RAC1: variants seen among roughly 807,000 people sequenced by gnomAD.
RAC1 encodes the protein Rac family small GTPase 1, also known as ras-related C3 botulinum toxin substrate 1.
Under a neutral mutation model 25.2 loss-of-function variants are expected in RAC1, and 2 were observed. That is an observed-to-expected ratio of 0.08 (90% CI 0.03 to 0.25). The LOEUF is 0.25. Ranked by LOEUF, RAC1 falls within the 10% of genes least tolerant of loss-of-function variation. The probability of loss-of-function intolerance (pLI) is 1.00; values close to 1 mark genes in which losing one functional copy is unlikely to be tolerated. For missense variants in RAC1, 50 were observed against 235.7 expected, an observed-to-expected ratio of 0.21 and a Z score of 5.16; for synonymous variants, 88 against 94.0, an observed-to-expected ratio of 0.94 and a Z score of 0.37.
chr7:6,375,670 C>CTT (rs561981460), intron 1 of RAC1, among the ~76,000 whole-genome samples: 3 of 144,940 alleles, frequency 2.1e-5, no homozygotes, highest in Admixed American at 7.0e-5. Context: ...TTCTTTCTTT[C>CTT]TTTTTTTTTT....
chr7:6,384,931 A>G (rs547738089), intron 1 of RAC1, among the ~76,000 whole-genome samples: 1 of 151,744 alleles, frequency 6.6e-6, no homozygotes, highest in African/African-American at 2.4e-5. Flanking sequence ...TCAGCCCCCC[A>G]AGTAGCTGAG....
Position 6,374,775 on chromosome 7 carries a change from G to T in RAC1, c.35+5G>T. ...GTGTGTGGTGGTGGGAGACGGGTGA[G>T]TGCGCGGCCGGGGCCGGGCTGGAGG... On this transcript the variant is annotated splice_donor_5th_base_variant and intron_variant, in intron 1 of 5. Transcript: ENST00000348035. 2 of 1,138,584 alleles carry T rather than the reference G, an allele frequency of 1.8e-6. No homozygotes were observed. The highest frequency in any genetic ancestry group is 1.1e-6 in the Non-Finnish European group (1 of 922,668). The allele number at this position is 1,138,584 out of a possible 1,614,324, so 70.5% of individuals were successfully genotyped here.
chr7:6,375,849 T>C (rs1241065345), intron 1 of RAC1: 3 of 152,030 alleles, frequency 2.0e-5, no homozygotes, highest in Non-Finnish European at 4.4e-5. Context: ...GCAGTTTTTT[T>C]CTCCCATAGA....
rs1554264368 is a variant in RAC1 at position 6,402,526 on chromosome 7, A to AAAAAC, written c.*84_*85insCAAAA. On this transcript the variant is annotated 3_prime_UTR_variant, in exon 6 of 6. Coordinates refer to ENST00000348035, the MANE Select transcript of RAC1 (RefSeq NM_006908.5). ...TCAAAAAAAAACAAAAAAAAAAAAC[A>AAAAAC]AAAAAAAAAAACAACGGTGGAGCCT... The AAAAAC allele has an allele frequency of 5.2e-4, 366 of 703,914 alleles. 24 individuals are homozygous for AAAAAC. The highest frequency in any genetic ancestry group is 2.9e-3 in the Admixed American group (42 of 14,658). The allele number at this position is 703,914 out of a possible 1,614,324, so 43.6% of individuals were successfully genotyped here. A position where few individuals can be genotyped will look rare whatever the true frequency, so the allele number is the denominator to read the frequency against.
chr7:6,387,957 A>G (rs1463034695), intron 2 of RAC1, among the ~76,000 whole-genome samples: 1 of 152,174 alleles, frequency 6.6e-6, no homozygotes, highest in African/African-American at 2.4e-5. Flanking sequence ...TGGAAAGGGA[A>G]AGATTCCATT....
intron 2 of RAC1, among the ~76,000 whole-genome samples, chr7:6,390,978 C>G (rs1056017824): frequency 6.6e-6 from 1 of 152,152 alleles, no homozygotes; most frequent in African/African-American, 2.4e-5. Context: ...CCCACTGCAA[C>G]CTCTGCTTCC....
chr7:6,384,650 T>C (rs1782870672), intron 1 of RAC1, among the ~76,000 whole-genome samples: 1 of 152,086 alleles, frequency 6.6e-6, no homozygotes, highest in Non-Finnish European at 1.5e-5. Context: ...TTTGAATTTT[T>C]TGTGGAAACA....
Position 6,403,532 on chromosome 7 carries a change from CTAAT to C in RAC1, c.*1087_*1090del, listed in dbSNP as rs1783480085. ...GCTTTCCATGTTACTTTATTCAGAG[CTAAT>C]AAGTGCTTTCCTTAGTTTTCTAGTA... On this transcript the variant is annotated 3_prime_UTR_variant, in exon 6 of 6. Coordinates refer to ENST00000348035, the MANE Select transcript of RAC1 (RefSeq NM_006908.5). 4.6e-6 allele frequency: 1 copy of C among 219,200 alleles called. No homozygotes were observed. Among genetic ancestry groups the C allele is most frequent in the African/African-American group, 2.2e-5 (1 of 44,586 alleles). The allele number at this position is 219,200 out of a possible 1,614,324, so 13.6% of individuals were successfully genotyped here.
At chr7:6,380,351 C>G (rs975023013) in intron 1 of RAC1, among the ~76,000 whole-genome samples, 1 of 148,558 alleles carries the variant, frequency 6.7e-6, no homozygotes, top group Non-Finnish European at 1.5e-5. Flanking sequence ...GGTTTTTTTT[C>G]TTGATAAGCC....
chr7:6,395,044 CG>C (rs1562467951), intron 3 of RAC1, among the ~76,000 whole-genome samples: 1 of 152,016 alleles, frequency 6.6e-6, no homozygotes, highest in Admixed American at 6.6e-5. Context: ...TTAGTAGAGA[CG>C]GGGTTTCACC....
chr7:6,398,358 T>C (rs1489664603), intron 3 of RAC1, among the ~76,000 whole-genome samples: 2 of 152,212 alleles, frequency 1.3e-5, no homozygotes, highest in Admixed American at 6.5e-5. Context: ...CATCTCCGGC[T>C]GTGCCAGCTG....
Position 6,379,950 on chromosome 7 carries a change from A to G in RAC1, c.35+5180A>G, listed in dbSNP as rs527741961. On this transcript the variant is annotated intron_variant, in intron 1 of 5. Transcript: ENST00000348035. ...AATAGTGTTGTTTTGGTGTTGGTTG[A>G]TTAAAGGAATGGGAACGAATGACTT... is the stretch of plus-strand genomic sequence containing the variant. Among the ~76,000 whole-genome samples, 3 of 152,200 alleles carry G rather than the reference A, an allele frequency of 2.0e-5. No individual in the cohort carries two copies. In the East Asian group the frequency reaches 5.8e-4, roughly 29 times the overall value.
At chr7:6,376,435 G>A (rs893134263) in intron 1 of RAC1, among the ~76,000 whole-genome samples, 2 of 151,140 alleles carry the variant, frequency 1.3e-5, no homozygotes, top group African/African-American at 2.4e-5. Context: ...CCACCCGCCT[G>A]GGTCTCCCAG....
chr7:6,400,308 T>A, intron 4 of RAC1, 120 bp downstream of exon 4: 1 of 976,050 alleles, frequency 1.0e-6, no homozygotes, highest in Non-Finnish European at 1.6e-6. Flanking sequence ...AGCAATTTGC[T>A]ACTTAAGTAC....
intron 1 of RAC1, 97 bp downstream of exon 1, chr7:6,374,867 G>T: frequency 1.0e-6 from 1 of 985,462 alleles, no homozygotes; most frequent in Admixed American, 5.6e-5. Flanking sequence ...CGTCCGCCGC[G>T]GTCTCGCGTA....
intron 1 of RAC1, among the ~76,000 whole-genome samples, chr7:6,384,140 C>T (rs548495713): frequency 1.6e-4 from 25 of 152,160 alleles, no homozygotes; most frequent in Non-Finnish European, 2.8e-4. Flanking sequence ...TTAGGCTCCA[C>T]TTTCTTCCTC....
chr7:6,389,291 T>C (rs996422676), intron 2 of RAC1, among the ~76,000 whole-genome samples: 1 of 152,174 alleles, frequency 6.6e-6, no homozygotes. Context: ...GGCCTTGACT[T>C]AAGTGGCCTC....
chr7:6,403,377 T>G lies in RAC1; in HGVS notation c.*931T>G, dbSNP rs6951997. 3,648 of 212,312 alleles carry G rather than the reference T, an allele frequency of 0.017. 73 individuals carry two copies. Among genetic ancestry groups the G allele is most frequent in the African/African-American group, 0.044 (1,940 of 44,206 alleles). 13.2% of individuals were successfully genotyped at this position (212,312 alleles called of 1,614,324 possible). ...GCATTTAATTCATCTTTAAACTGGT[T>G]GTTCTGTTAGTCGCTAACTTAGTAA... On this transcript the variant is annotated 3_prime_UTR_variant, in exon 6 of 6. Coordinates refer to ENST00000348035, the MANE Select transcript of RAC1 (RefSeq NM_006908.5).
At position 6,375,329 on chromosome 7, in the gene RAC1, A is replaced by G. The variant is rs183742790; in HGVS notation, c.35+559A>G. 6.0e-3 allele frequency among the ~76,000 whole-genome samples: 915 copies of G among 151,886 alleles called. 5 individuals carry two copies. Among genetic ancestry groups the G allele is most frequent in the Non-Finnish European group, 9.7e-3 (658 of 67,936 alleles). On this transcript the variant is annotated intron_variant, in intron 1 of 5. Coordinates refer to ENST00000348035, the MANE Select transcript of RAC1 (RefSeq NM_006908.5). ...GGTCTCGAACTCCTGGGTTCAAGCAATCCTCCCATCCCAGCCTCCAAAATG... is the reference window on the plus strand; with the variant it reads ...GGTCTCGAACTCCTGGGTTCAAGCAGTCCTCCCATCCCAGCCTCCAAAATG...
Sources: gnomAD v4.1 joint callset for allele counts (sites outside exome capture counted in the v4.1 genomes callset) on GRCh38, gnomAD v4.1.1 for gene constraint, MANE v1.5 for transcripts, NCBI Gene and HGNC (gene_info 2026-07-23, HGNC 2026-07-21) for gene names.